Variants in CCSER1 observed in about 807,000 individuals in gnomAD.
The protein encoded by CCSER1 is coiled-coil serine rich protein 1.
Under a neutral mutation model 82.0 loss-of-function variants are expected in CCSER1, and 41 were observed. The ratio of observed to expected loss-of-function variants is 0.50; its 90% CI spans 0.39 to 0.65. CCSER1 has a LOEUF of 0.65. CCSER1 is among the 30% of genes least tolerant of loss of function. CCSER1 has a pLI of 0.00. For synonymous variants in CCSER1, 414 were observed against 383.9 expected (o/e 1.08, Z -0.92); for missense variants, 1,119 against 1,064.2 (o/e 1.05, Z -0.72).
intron 10 of CCSER1, among the ~76,000 whole-genome samples, chr4:91,488,228 ATTGT>A (rs1172227173): frequency 3.9e-5 from 6 of 152,174 alleles, no homozygotes; most frequent in African/African-American, 1.4e-4. Context: ...ATCAAATAAA[ATTGT>A]TTGTATTTTC....
intron 10 of CCSER1, among the ~76,000 whole-genome samples, chr4:91,171,519 A>G (rs1349723294): frequency 6.6e-6 from 1 of 152,196 alleles, no homozygotes; most frequent in Non-Finnish European, 1.5e-5. Context: ...GACTTTAATT[A>G]TCAGCATAAC....
intron 10 of CCSER1, among the ~76,000 whole-genome samples, chr4:91,490,523 T>C (rs909805483): frequency 2.0e-5 from 3 of 152,002 alleles, no homozygotes; most frequent in Admixed American, 2.0e-4. Flanking sequence ...TATCATTCAT[T>C]TGTGGGAGCT....
intron 10 of CCSER1, among the ~76,000 whole-genome samples, chr4:91,585,023 T>C (rs898230960): frequency 2.6e-5 from 4 of 151,556 alleles, no homozygotes; most frequent in African/African-American, 4.8e-5. Flanking sequence ...ACTTACCTCA[T>C]CATAAACCTT....
At position 90,308,472 on chromosome 4, in the gene CCSER1, TC is replaced by T; in HGVS notation, c.190del (p.Arg64ValfsTer40). Reference sequence around the variant, plus strand: ...AGCACAGGTAAACGGAGGAGCATATTCCGTACTCCTTCCATTAGCTTCCACC... The same window carrying T: ...AGCACAGGTAAACGGAGGAGCATATTCGTACTCCTTCCATTAGCTTCCACC... ...SGSTGKRRSI[F>X]RTPSISFHHK... On this transcript the variant is annotated frameshift_variant, in exon 2 of 11. Coordinates refer to ENST00000509176, the MANE Select transcript of CCSER1 (RefSeq NM_001145065.2). LOFTEE classifies it high-confidence loss of function. The T allele has an allele frequency of 6.2e-7, 1 of 1,613,858 alleles. No homozygotes were observed. Among genetic ancestry groups the T allele is most frequent in the Non-Finnish European group, 8.5e-7 (1 of 1,179,816 alleles).
At chr4:90,229,470 G>C (rs536427266) in intron 1 of CCSER1, among the ~76,000 whole-genome samples, 2 of 152,238 alleles carry the variant, frequency 1.3e-5, no homozygotes, top group South Asian at 4.2e-4. Context: ...CCTGAAGGAA[G>C]TGCCAAACAT....
chr4:90,175,323 C>CCAAT (rs1732463366), intron 1 of CCSER1, among the ~76,000 whole-genome samples: 1 of 151,812 alleles, frequency 6.6e-6, no homozygotes, highest in Admixed American at 6.6e-5. Context: ...TGATAGAAAG[C>CCAAT]CAATCAGTGG....
chr4:90,856,973 A>G (rs1764533151), intron 8 of CCSER1, among the ~76,000 whole-genome samples: 1 of 150,652 alleles, frequency 6.6e-6, no homozygotes, highest in African/African-American at 2.4e-5. Flanking sequence ...TTGGTCTTAG[A>G]CTTTTTTTGT....
chr4:90,443,971 A>C (rs1237842411), intron 4 of CCSER1, among the ~76,000 whole-genome samples: 1 of 152,068 alleles, frequency 6.6e-6, no homozygotes, highest in Non-Finnish European at 1.5e-5. Context: ...TTTTTAGAGT[A>C]TGCATGCTGG....
chr4:91,149,995 G>T (rs1281968035), intron 10 of CCSER1, among the ~76,000 whole-genome samples: 11 of 152,144 alleles, frequency 7.2e-5, no homozygotes, highest in African/African-American at 2.7e-4. Flanking sequence ...CTTTAAAGTA[G>T]TTTTTTCCAA....
At chr4:90,392,617 A>T (rs1751375585) in intron 3 of CCSER1, among the ~76,000 whole-genome samples, 1 of 152,170 alleles carries the variant, frequency 6.6e-6, no homozygotes. Context: ...TATTATAATA[A>T]GGAATAACAT....
intron 4 of CCSER1, among the ~76,000 whole-genome samples, chr4:90,410,430 T>C (rs1208787859): frequency 1.3e-5 from 2 of 152,084 alleles, no homozygotes; most frequent in Non-Finnish European, 1.5e-5. Context: ...TAACAAACTG[T>C]CTCTCCGACC....
intron 10 of CCSER1, among the ~76,000 whole-genome samples, chr4:91,446,197 T>G (rs2149413232): frequency 1.4e-5 from 1 of 73,094 alleles, no homozygotes; most frequent in Admixed American, 1.3e-4. Context: ...TTTAAAAAGT[T>G]TTATTCCTCA....
At chr4:90,299,650 C>G (rs1195328066) in intron 1 of CCSER1, among the ~76,000 whole-genome samples, 1 of 151,998 alleles carries the variant, frequency 6.6e-6, no homozygotes, top group Non-Finnish European at 1.5e-5. Flanking sequence ...TTAAAAGTGC[C>G]TCCATTATTT....
chr4:90,491,893 T>C (rs1275402808), intron 5 of CCSER1, among the ~76,000 whole-genome samples: 1 of 152,208 alleles, frequency 6.6e-6, no homozygotes, highest in Non-Finnish European at 1.5e-5. Flanking sequence ...GATAAGCTTT[T>C]TGATGTGCTG....
chr4:91,378,819 G>C (rs1169001799), intron 10 of CCSER1, among the ~76,000 whole-genome samples: 2 of 152,138 alleles, frequency 1.3e-5, no homozygotes, highest in Non-Finnish European at 2.9e-5. Context: ...GGGCATCCCT[G>C]TTTTGTGCCA....
At chr4:91,225,445 C>G (rs1196390943) in intron 10 of CCSER1, among the ~76,000 whole-genome samples, 1 of 144,776 alleles carries the variant, frequency 6.9e-6, no homozygotes, top group African/African-American at 2.5e-5. Context: ...AAATTTAAGA[C>G]TGCAAATTAT....
intron 8 of CCSER1, among the ~76,000 whole-genome samples, chr4:90,841,440 T>C (rs1022879770): frequency 8.6e-5 from 13 of 150,748 alleles, no homozygotes; most frequent in African/African-American, 3.2e-4. Flanking sequence ...TAGCCGGGCG[T>C]GGTGGCAGAT....
rs72661886 is a variant in CCSER1, at chr4:90,729,089, T to C, written c.2010+5098T>C. Among the ~76,000 whole-genome samples, 833 of 152,314 alleles carry C rather than the reference T, an allele frequency of 5.5e-3. 3 individuals are homozygous for C. The highest frequency in any genetic ancestry group is 8.1e-3 in the Non-Finnish European group (548 of 68,020). On this transcript the variant is annotated intron_variant, in intron 7 of 10. Coordinates refer to ENST00000509176, the MANE Select transcript of CCSER1 (RefSeq NM_001145065.2). The stretch of plus-strand genomic sequence containing the variant: ...GAGCCAGTTATTTTGTGTCCAAATA[T>C]CTTATTTATAAAATGACAACAGCAA...
rs1158510562 is a variant in CCSER1 at position 91,036,773 on chromosome 4, A to G, written c.2173-49177A>G. 3.3e-5 allele frequency among the ~76,000 whole-genome samples: 5 copies of G among 152,118 alleles called. No homozygotes were observed. In the East Asian group the frequency reaches 9.6e-4, roughly 29 times the overall value. On this transcript the variant is annotated intron_variant, in intron 9 of 10. Transcript: ENST00000509176. Reference sequence around the variant, plus strand: ...TGGAGATCAAAATTTAAAGAAATGGAGGGTGAACTATAGTGGGAAAATAGG... The same window carrying G: ...TGGAGATCAAAATTTAAAGAAATGGGGGGTGAACTATAGTGGGAAAATAGG...
Sources: allele counts gnomAD v4.1 joint callset (sites outside exome capture counted in the v4.1 genomes callset), GRCh38; gene constraint gnomAD v4.1.1; transcripts MANE v1.5; gene names NCBI Gene and HGNC (gene_info 2026-07-23, HGNC 2026-07-21).